Variants in SELENOF observed in about 807,000 individuals in gnomAD.
SELENOF encodes the protein 15 kDa selenoprotein.
Under a neutral mutation model 20.5 loss-of-function variants are expected in SELENOF, and 16 were observed. The ratio of observed to expected loss-of-function variants is 0.78; its 90% CI spans 0.53 to 1.19. The LOEUF is 1.19. SELENOF is among the 50% of genes most tolerant of loss of function. SELENOF has a pLI of 0.00. For missense variants in SELENOF, 215 were observed against 194.2 expected (o/e 1.11, Z -0.64); for synonymous variants, 78 against 74.5 (o/e 1.05, Z -0.24).
At chr1:86,914,378 A>T (rs1660085214), upstream of SELENOF, 1 of 511,770 alleles carries the variant, frequency 2.0e-6, no homozygotes, top group Non-Finnish European at 3.5e-6. Context: ...TTCGTCAAGC[A>T]GCCAAGAAGC....
intron 4 of SELENOF, among the ~76,000 whole-genome samples, chr1:86,867,578 G>A (rs1377992611): frequency 1.3e-5 from 2 of 151,992 alleles, no homozygotes; most frequent in Admixed American, 6.6e-5. Context: ...TGACCTGAAC[G>A]TGTGAGGATT....
chr1:86,890,456 T>C (rs1048233120), intron 2 of SELENOF, among the ~76,000 whole-genome samples: 6 of 152,098 alleles, frequency 3.9e-5, no homozygotes, highest in African/African-American at 1.4e-4. Context: ...AAGTAAACAT[T>C]TCCTCTACCT....
At chr1:86,873,870 AAT>A (rs1290345121) in intron 3 of SELENOF, among the ~76,000 whole-genome samples, 3 of 149,276 alleles carry the variant, frequency 2.0e-5, no homozygotes, top group Non-Finnish European at 4.4e-5. Context: ...AAAAAAAAAA[AAT>A]TATTTAAAAC....
chr1:86,867,528 A>T (rs1291471927), intron 4 of SELENOF, among the ~76,000 whole-genome samples: 1 of 151,270 alleles, frequency 6.6e-6, no homozygotes, highest in Admixed American at 6.6e-5. Context: ...CAACAACAAC[A>T]AATCAGTGGT....
At chr1:86,883,587 T>C (rs561371804) in intron 2 of SELENOF, among the ~76,000 whole-genome samples, 4 of 152,304 alleles carry the variant, frequency 2.6e-5, no homozygotes, top group Admixed American at 6.5e-5. Context: ...TAAGGCCATA[T>C]TTAGATTTGG....
At chr1:86,886,167 G>C (rs1372160010) in intron 2 of SELENOF, among the ~76,000 whole-genome samples, 1 of 152,084 alleles carries the variant, frequency 6.6e-6, no homozygotes, top group Non-Finnish European at 1.5e-5. Flanking sequence ...GAAATATTTT[G>C]AACATTACTG....
At chr1:86,886,051 T>C (rs182614170) in intron 2 of SELENOF, among the ~76,000 whole-genome samples, 12 of 152,314 alleles carry the variant, frequency 7.9e-5, no homozygotes, top group Admixed American at 7.8e-4. Flanking sequence ...ATATTACTCA[T>C]TGTTCGTCTG....
chr1:86,900,323 C>G (rs1365235904), intron 2 of SELENOF, among the ~76,000 whole-genome samples: 3 of 152,174 alleles, frequency 2.0e-5, no homozygotes, highest in African/African-American at 7.2e-5. Context: ...AACCAGACAC[C>G]GTCTGCAATC....
chr1:86,905,446 A>T (rs543869937), intron 1 of SELENOF, among the ~76,000 whole-genome samples: 9 of 152,206 alleles, frequency 5.9e-5, no homozygotes, highest in Non-Finnish European at 1.3e-4. Flanking sequence ...AATCAGTATT[A>T]GTCTTTTAGG....
chr1:86,866,708 T>A (rs978361055), intron 4 of SELENOF, among the ~76,000 whole-genome samples: 5 of 152,150 alleles, frequency 3.3e-5, no homozygotes, highest in Admixed American at 3.3e-4. Flanking sequence ...TGAAAAGATA[T>A]TCAAATCATG....
intron 3 of SELENOF, among the ~76,000 whole-genome samples, chr1:86,870,929 T>C (rs1658748153): frequency 7.6e-6 from 1 of 130,948 alleles, no homozygotes; most frequent in Admixed American, 7.1e-5. Context: ...AGTAAAAAGA[T>C]TTTTTTTTTT....
chr1:86,911,414 G>C (rs560386919), intron 1 of SELENOF, among the ~76,000 whole-genome samples: 12 of 152,320 alleles, frequency 7.9e-5, no homozygotes, highest in Non-Finnish European at 1.5e-4. Context: ...TTCTCCACTT[G>C]TACCTTTCTG....
chr1:86,882,434 G>A (rs1659101426), intron 2 of SELENOF, among the ~76,000 whole-genome samples: 1 of 150,268 alleles, frequency 6.7e-6, no homozygotes, highest in Non-Finnish European at 1.5e-5. Flanking sequence ...CTAGAGATTA[G>A]GGAAATGCAT....
At chr1:86,896,324 A>G (rs1445186576) in intron 2 of SELENOF, among the ~76,000 whole-genome samples, 1 of 152,186 alleles carries the variant, frequency 6.6e-6, no homozygotes, top group Non-Finnish European at 1.5e-5. Flanking sequence ...AAGCAGCTGA[A>G]ATCATTATTA....
intron 4 of SELENOF, among the ~76,000 whole-genome samples, chr1:86,866,698 T>G (rs1049462296): frequency 1.3e-5 from 2 of 152,090 alleles, no homozygotes; most frequent in Admixed American, 1.3e-4. Flanking sequence ...AATAAACAAA[T>G]GAAAAGATAT....
rs1308597240 is a variant in SELENOF at position 86,868,078 on chromosome 1, T to C, written c.341A>G (p.Lys114Arg). ...VQAFVRSDKPKLFRGLQIKYV... is the reference protein window; with the variant it reads ...VQAFVRSDKPRLFRGLQIKYV... ...CTTGATTTGCAGTCCTCTGAACAGTTTGGGTTTATCACTCCTAACAAAAGC... is the reference window on the plus strand; with the variant it reads ...CTTGATTTGCAGTCCTCTGAACAGTCTGGGTTTATCACTCCTAACAAAAGC... Residue 114 changes from lysine (K) to arginine (R), a missense_variant, in exon 4 of 5, where the codon AAA becomes AGA. Coordinates refer to ENST00000331835, the MANE Select transcript of SELENOF (RefSeq NM_004261.5). The C allele has an allele frequency of 6.5e-7, 1 of 1,538,308 alleles. No homozygotes were observed. Among genetic ancestry groups the C allele is most frequent in the Non-Finnish European group, 8.8e-7 (1 of 1,132,488 alleles).
At chr1:86,874,962 G>A (rs1183976368) in intron 3 of SELENOF, among the ~76,000 whole-genome samples, 2 of 152,206 alleles carry the variant, frequency 1.3e-5, no homozygotes, top group African/African-American at 4.8e-5. Flanking sequence ...GGCTGGGCAT[G>A]GTGGCTCATG....
chr1:86,888,225 A>C (rs895578567), intron 2 of SELENOF, among the ~76,000 whole-genome samples: 5 of 150,894 alleles, frequency 3.3e-5, no homozygotes, highest in Admixed American at 6.6e-5. Flanking sequence ...ACCCCACTAC[A>C]TTCCTCCAGC....
At chr1:86,900,837 T>G (rs560865373) in intron 2 of SELENOF, among the ~76,000 whole-genome samples, 2 of 152,040 alleles carry the variant, frequency 1.3e-5, no homozygotes, top group African/African-American at 4.8e-5. Context: ...CACACCCGAG[T>G]TGACTTTTAA....
Sources: allele counts gnomAD v4.1 joint callset (sites outside exome capture counted in the v4.1 genomes callset), GRCh38; gene constraint gnomAD v4.1.1; transcripts MANE v1.5; gene names NCBI Gene and HGNC (gene_info 2026-07-23, HGNC 2026-07-21).